The following DCC variants were observed in gnomAD, a reference collection of about 807,000 sequenced individuals.
The protein encoded by DCC is netrin receptor DCC.
In DCC, 58 loss-of-function variants were observed where a neutral mutation model predicts 172.5. The ratio of observed to expected loss-of-function variants is 0.34; its 90% CI spans 0.27 to 0.42. DCC has a LOEUF of 0.42. DCC is among the 10% of genes least tolerant of loss of function. The probability of loss-of-function intolerance (pLI) is 1.00; values close to 1 mark genes in which losing one functional copy is unlikely to be tolerated. For missense variants in DCC, 1,740 were observed against 1,791.0 expected (o/e 0.97, Z 0.51); for synonymous variants, 709 against 644.5 (o/e 1.10, Z -1.52).
chr18:52,727,169 G>A lies in DCC; in HGVS notation c.92-24885G>A, dbSNP rs559570219. ...AAGAAATGGAAATCCAAAGTGATTGGTTATGGAAATGAAAAATTACTTTTC... is the reference window on the plus strand; with the variant it reads ...AAGAAATGGAAATCCAAAGTGATTGATTATGGAAATGAAAAATTACTTTTC... On this transcript the variant is annotated intron_variant, in intron 1 of 28. Transcript: ENST00000442544. 2.0e-5 allele frequency among the ~76,000 whole-genome samples: 3 copies of A among 152,166 alleles called. No individual in the cohort carries two copies. The South Asian group carries it at 6.2e-4, about 31-fold the overall frequency.
intron 27 of DCC, among the ~76,000 whole-genome samples, chr18:53,518,025 G>T (rs2046358269): frequency 6.6e-6 from 1 of 152,012 alleles, no homozygotes; most frequent in African/African-American, 2.4e-5. Flanking sequence ...AAAGTTCCTT[G>T]CCTATCAGAA....
At chr18:52,838,502 G>C (rs530507301) in intron 2 of DCC, among the ~76,000 whole-genome samples, 2 of 152,090 alleles carry the variant, frequency 1.3e-5, no homozygotes, top group Non-Finnish European at 2.9e-5. Context: ...GCCGGGGTGT[G>C]GTGGGGGAGG....
chr18:53,050,660 C>A (rs1375594860), intron 5 of DCC, among the ~76,000 whole-genome samples: 2 of 152,006 alleles, frequency 1.3e-5, no homozygotes, highest in Admixed American at 6.6e-5. Flanking sequence ...TTTATCAGAT[C>A]AAGGAGCTTT....
At chr18:52,353,990 G>C (rs1464739075) in intron 1 of DCC, among the ~76,000 whole-genome samples, 1 of 152,136 alleles carries the variant, frequency 6.6e-6, no homozygotes, top group East Asian at 1.9e-4. Flanking sequence ...CTATAGCTTA[G>C]GAAAGATAAT....
At chr18:53,017,200 C>G (rs1599031713) in intron 5 of DCC, among the ~76,000 whole-genome samples, 2 of 151,878 alleles carry the variant, frequency 1.3e-5, no homozygotes, top group Non-Finnish European at 2.9e-5. Flanking sequence ...CTCAGCCTCC[C>G]GCGTAGCTGG....
At chr18:53,073,860 G>C (rs2042688366) in intron 7 of DCC, among the ~76,000 whole-genome samples, 1 of 150,952 alleles carries the variant, frequency 6.6e-6, no homozygotes, top group African/African-American at 2.4e-5. Context: ...AGAATACCTA[G>C]AAATCCAAAT....
chr18:53,347,244 C>T (rs571342468), intron 15 of DCC, among the ~76,000 whole-genome samples: 21 of 152,294 alleles, frequency 1.4e-4, no homozygotes, highest in East Asian at 3.9e-4. Context: ...TGGAGCAAAA[C>T]AGAAAACTAA....
intron 2 of DCC, among the ~76,000 whole-genome samples, chr18:52,838,053 A>C (rs938088548): frequency 2.0e-5 from 3 of 152,166 alleles, no homozygotes; most frequent in Non-Finnish European, 4.4e-5. Flanking sequence ...AACCACCCCC[A>C]TGATTCAATT....
chr18:53,148,546 G>C (rs1231962656), intron 7 of DCC, among the ~76,000 whole-genome samples: 1 of 152,144 alleles, frequency 6.6e-6, no homozygotes, highest in Non-Finnish European at 1.5e-5. Flanking sequence ...GCCAGGAAGA[G>C]ACATTGATGA....
chr18:52,407,633 G>A (rs919405714), intron 1 of DCC, among the ~76,000 whole-genome samples: 1 of 151,288 alleles, frequency 6.6e-6, no homozygotes, highest in African/African-American at 2.4e-5. Context: ...TTTTCTTCTG[G>A]TGTTCTTGCA....
At chr18:52,586,547 TC>T (rs1264729367) in intron 1 of DCC, among the ~76,000 whole-genome samples, 2 of 152,164 alleles carry the variant, frequency 1.3e-5, no homozygotes, top group African/African-American at 4.8e-5. Flanking sequence ...TTGTTGTGTC[TC>T]CTGGTGGCAG....
intron 15 of DCC, among the ~76,000 whole-genome samples, chr18:53,375,150 T>C (rs1158371352): frequency 2.0e-5 from 3 of 152,204 alleles, no homozygotes; most frequent in South Asian, 2.1e-4. Context: ...CACTTCAGGA[T>C]TGACATCTGG....
intron 3 of DCC, among the ~76,000 whole-genome samples, chr18:52,923,105 GTTAAAA>G (rs1262194918): frequency 2.0e-5 from 3 of 151,996 alleles, no homozygotes; most frequent in East Asian, 1.9e-4. Context: ...TTGAAATGTT[GTTAAAA>G]TTAAAAATAA....
chr18:53,333,976 C>T (rs1269228916), intron 14 of DCC, among the ~76,000 whole-genome samples: 2 of 152,168 alleles, frequency 1.3e-5, no homozygotes, highest in East Asian at 1.9e-4. Flanking sequence ...TGTGTTTCCT[C>T]ATTTCAGTTC....
chr18:52,849,462 A>G (rs2038942496), intron 2 of DCC, among the ~76,000 whole-genome samples: 1 of 152,184 alleles, frequency 6.6e-6, no homozygotes, highest in Admixed American at 6.5e-5. Context: ...ATAATCATGG[A>G]TGGGAATAGT....
rs1485258931 is a variant in DCC at position 53,210,389 on chromosome 18, A to G, written c.1861+2572A>G. Among the ~76,000 whole-genome samples the G allele has an allele frequency of 2.6e-5, 4 of 152,340 alleles. No individual in the cohort carries two copies. In the East Asian group the frequency reaches 7.7e-4, roughly 29 times the overall value. On this transcript the variant is annotated intron_variant, in intron 11 of 28. Coordinates refer to ENST00000442544, the MANE Select transcript of DCC (RefSeq NM_005215.4). ...ATTAAATGGGCTGATCTGTGTAAAC[A>G]TCTAACAAAGTGTATGACATTTAAG...
At chr18:52,475,996 C>A (rs1004475939) in intron 1 of DCC, among the ~76,000 whole-genome samples, 1 of 152,142 alleles carries the variant, frequency 6.6e-6, no homozygotes, top group African/African-American at 2.4e-5. Context: ...GCTGCATGCA[C>A]TATTTTGGAA....
At chr18:53,419,809 A>AGGG (rs1440962660) in intron 21 of DCC, among the ~76,000 whole-genome samples, 2 of 146,572 alleles carry the variant, frequency 1.4e-5, no homozygotes, top group African/African-American at 4.9e-5. Flanking sequence ...AACCCCAGAA[A>AGGG]CCACATTCCA....
chr18:52,791,796 C>T (rs575705217), intron 2 of DCC, among the ~76,000 whole-genome samples: 1 of 152,100 alleles, frequency 6.6e-6, no homozygotes, highest in South Asian at 2.1e-4. Context: ...AAGCATCTAC[C>T]CTTAGAGAAT....
Sources: allele counts gnomAD v4.1 joint callset (sites outside exome capture counted in the v4.1 genomes callset), GRCh38; gene constraint gnomAD v4.1.1; transcripts MANE v1.5; gene names NCBI Gene and HGNC (gene_info 2026-07-23, HGNC 2026-07-21).